DCT: variants seen among roughly 807,000 people sequenced by gnomAD.
The protein encoded by DCT is L-dopachrome tautomerase.
DCT carries 47 observed loss-of-function variants against 53.0 expected under a neutral mutation model. The observed-to-expected ratio is 0.89, with a 90% CI of 0.70 to 1.13. The LOEUF (loss-of-function observed/expected upper bound fraction) is 1.13. DCT is among the 50% of genes most tolerant of loss of function. DCT has a pLI of 0.00. For missense variants in DCT, 669 were observed against 637.4 expected (o/e 1.05, Z -0.53); for synonymous variants, 244 against 237.0 (o/e 1.03, Z -0.27).
chr13:94,478,215 G>C (rs1402943194), intron 1 of DCT, among the ~76,000 whole-genome samples: 4 of 127,600 alleles, frequency 3.1e-5, no homozygotes, highest in African/African-American at 1.2e-4. Context: ...CGACAATTTT[G>C]TCAAAGTTAC....
At chr13:94,468,523 C>G (rs761713960) in intron 2 of DCT, 18 of 491,194 alleles carry the variant, frequency 3.7e-5, no homozygotes, top group African/African-American at 3.4e-4. Context: ...CAAGAACATA[C>G]GGTAGAGGAG....
chr13:94,513,655 A>C, the DCT span, among the ~76,000 whole-genome samples: 2 of 151,970 alleles, frequency 1.3e-5, no homozygotes. Flanking sequence ...GACTCTACTC[A>C]GTTCCCAGAG....
intron 4 of DCT, 101 bp downstream of exon 4, chr13:94,465,532 C>T: frequency 2.9e-6 from 3 of 1,041,336 alleles, no homozygotes; most frequent in Non-Finnish European, 4.1e-6. Context: ...AATAGGACAC[C>T]ACATGCATAA....
the DCT span, among the ~76,000 whole-genome samples, chr13:94,533,995 C>T: frequency 0.4 from 61,168 of 151,744 alleles, 13,076 homozygotes; most frequent in East Asian, 0.62. Flanking sequence ...GGTTGACTGA[C>T]CAAAGTTCTT....
At chr13:94,452,651 A>ATTACAT in intron 6 of DCT, 1 of 765,258 alleles carries the variant, frequency 1.3e-6, no homozygotes, top group Non-Finnish European at 2.4e-6. Context: ...AAAGCAAACG[A>ATTACAT]TTAGAAATCA....
chr13:94,492,013 T>C, the DCT span, among the ~76,000 whole-genome samples: 1 of 152,214 alleles, frequency 6.6e-6, no homozygotes, highest in Non-Finnish European at 1.5e-5. Flanking sequence ...TCCTGATTCA[T>C]AGTGCAGTGC....
chr13:94,533,651 G>C, the DCT span, among the ~76,000 whole-genome samples: 1 of 152,148 alleles, frequency 6.6e-6, no homozygotes, highest in East Asian at 1.9e-4. Context: ...CGGGTGTGGT[G>C]GTGCATGCCT....
chr13:94,469,912 TAAA>T (rs1884524870), intron 1 of DCT, among the ~76,000 whole-genome samples: 1 of 151,990 alleles, frequency 6.6e-6, no homozygotes, highest in Non-Finnish European at 1.5e-5. Flanking sequence ...TCGTCTCTAC[TAAA>T]AATACAAAAA....
upstream of DCT, among the ~76,000 whole-genome samples, chr13:94,480,864 A>C (rs1352222096): frequency 6.6e-6 from 1 of 152,262 alleles, no homozygotes; most frequent in Non-Finnish European, 1.5e-5. Flanking sequence ...CATGTGCAAT[A>C]GTTTCCTGAG....
chr13:94,530,275 C>T, the DCT span, among the ~76,000 whole-genome samples: 7 of 152,182 alleles, frequency 4.6e-5, no homozygotes, highest in East Asian at 1.9e-4. Flanking sequence ...GGAATCCTCC[C>T]GAACTCATCT....
At chr13:94,487,147 G>A in the DCT span, among the ~76,000 whole-genome samples, 1 of 152,140 alleles carries the variant, frequency 6.6e-6, no homozygotes, top group East Asian at 1.9e-4. Flanking sequence ...AATCCAAGAG[G>A]GGATATCTCA....
At chr13:94,523,674 A>G in the DCT span, among the ~76,000 whole-genome samples, 1 of 152,204 alleles carries the variant, frequency 6.6e-6, no homozygotes, top group Admixed American at 6.5e-5. Flanking sequence ...AGGTTTTACA[A>G]CTACGCCATT....
chr13:94,452,106 C>T (rs1883134799), intron 6 of DCT, among the ~76,000 whole-genome samples: 1 of 152,012 alleles, frequency 6.6e-6, no homozygotes, highest in Non-Finnish European at 1.5e-5. Context: ...GATCTTGGCT[C>T]ACTGCAACCT....
At chr13:94,502,925 T>C in the DCT span, among the ~76,000 whole-genome samples, 1 of 152,268 alleles carries the variant, frequency 6.6e-6, no homozygotes, top group African/African-American at 2.4e-5. Flanking sequence ...CAAGTCAGGC[T>C]CATTGCAAGG....
the DCT span, among the ~76,000 whole-genome samples, chr13:94,508,864 C>T: frequency 6.6e-6 from 1 of 152,206 alleles, no homozygotes; most frequent in South Asian, 2.1e-4. Flanking sequence ...GGTGGATGAC[C>T]AACTCTCAGA....
At chr13:94,497,719 G>A in the DCT span, among the ~76,000 whole-genome samples, 3 of 152,176 alleles carry the variant, frequency 2.0e-5, no homozygotes, top group South Asian at 6.2e-4. Context: ...AGAGGGGTTG[G>A]TCTTGCTGTC....
intron 2 of DCT, chr13:94,468,035 C>A (rs189512570): frequency 6.6e-6 from 1 of 152,334 alleles, no homozygotes; most frequent in Admixed American, 6.5e-5. Flanking sequence ...TCCTACCCAG[C>A]CCCCAATTTT....
rs550201405 is a variant in DCT, at chr13:94,479,079, C to T, written c.177G>A (p.Gly59=). 2 of 1,614,196 alleles carry T rather than the reference C, an allele frequency of 1.2e-6. No homozygotes were observed. Among genetic ancestry groups the T allele is most frequent in the South Asian group, 2.2e-5 (2 of 91,086 alleles). The change falls in exon 1 of 8, where the codon GGG becomes GGA. Residue 59 remains glycine, a synonymous_variant. Transcript: ENST00000377028. ...TGTCGGCTCGCACCTCTGTGCACTGCCCCCGGCCTTGCTGAGAGCCACAGA... is the reference window on the plus strand; with the variant it reads ...TGTCGGCTCGCACCTCTGTGCACTGTCCCCGGCCTTGCTGAGAGCCACAGA... ...ANVCGSQQGR[G]QCTEVRADTR...
the DCT span, among the ~76,000 whole-genome samples, chr13:94,500,480 C>T: frequency 6.6e-6 from 1 of 152,174 alleles, no homozygotes; most frequent in Admixed American, 6.5e-5. Flanking sequence ...ATTATGGGAG[C>T]TATAATTCAA....
Sources: gnomAD v4.1 joint callset for allele counts (sites outside exome capture counted in the v4.1 genomes callset) on GRCh38, gnomAD v4.1.1 for gene constraint, MANE v1.5 for transcripts, NCBI Gene and HGNC (gene_info 2026-07-23, HGNC 2026-07-21) for gene names.